The following THEMIS variants were observed in gnomAD, a reference collection of about 807,000 sequenced individuals.
THEMIS encodes the protein protein THEMIS.
THEMIS carries 37 observed loss-of-function variants against 52.6 expected under a neutral mutation model. The ratio of observed to expected loss-of-function variants is 0.70; its 90% CI spans 0.54 to 0.93. The LOEUF (loss-of-function observed/expected upper bound fraction) is 0.93. Ranked by LOEUF, THEMIS falls within the 40% of genes least tolerant of loss-of-function variation. THEMIS has a pLI of 0.00. For missense variants in THEMIS, 808 were observed against 763.1 expected, an observed-to-expected ratio of 1.06 and a Z score of -0.69; for synonymous variants, 292 against 272.7, an observed-to-expected ratio of 1.07 and a Z score of -0.70.
At chr6:127,803,566 G>A (rs765710601) in intron 4 of THEMIS, among the ~76,000 whole-genome samples, 39 of 151,996 alleles carry the variant, frequency 2.6e-4, no homozygotes, top group Non-Finnish European at 5.6e-4. Flanking sequence ...ACTCAATATG[G>A]TATTCAAATT....
intron 4 of THEMIS, among the ~76,000 whole-genome samples, chr6:127,747,651 A>C (rs1240008197): frequency 6.6e-6 from 1 of 151,776 alleles, no homozygotes; most frequent in Non-Finnish European, 1.5e-5. Flanking sequence ...CATGATAATC[A>C]TTTTTGCATA....
chr6:127,743,478 G>C (rs1033736460), intron 4 of THEMIS, among the ~76,000 whole-genome samples: 2 of 152,110 alleles, frequency 1.3e-5, no homozygotes, highest in Non-Finnish European at 2.9e-5. Context: ...TCTGGAAAAA[G>C]AGTAAGACAG....
chr6:127,818,192 C>A (rs528704464), intron 3 of THEMIS, among the ~76,000 whole-genome samples: 1 of 152,260 alleles, frequency 6.6e-6, no homozygotes, highest in Non-Finnish European at 1.5e-5. Context: ...CTCCACTAGC[C>A]ATTCTATCTC....
In THEMIS at chr6:127,738,566, C is replaced by T. The variant is rs1220448188; in HGVS notation, c.1759-18743G>A. On this transcript the variant is annotated intron_variant, in intron 4 of 5. Transcript: ENST00000368248. ...GTAAATTCCAGACTACTACCTACGA[C>T]CTTGACGATTATTCTGCAACTCCAT... is the stretch of plus-strand genomic sequence containing the variant. Among the ~76,000 whole-genome samples the T allele has an allele frequency of 3.3e-5, 5 of 152,280 alleles. No homozygotes were observed. In the East Asian group the frequency reaches 7.7e-4, roughly 23 times the overall value.
At chr6:127,718,500 A>G (rs1774249338) in intron 5 of THEMIS, among the ~76,000 whole-genome samples, 1 of 151,942 alleles carries the variant, frequency 6.6e-6, no homozygotes, top group South Asian at 2.1e-4. Context: ...ATTCACATAC[A>G]AGAGAAGATT....
rs146141944 is a variant in THEMIS, at chr6:127,885,971, T to C, written c.91+14871A>G. Among the ~76,000 whole-genome samples, 114 of 152,228 alleles carry C rather than the reference T, an allele frequency of 7.5e-4. 1 individual carries two copies. The highest frequency in any genetic ancestry group is 2.5e-3 in the African/African-American group (106 of 41,572). On this transcript the variant is annotated intron_variant, in intron 1 of 5. Transcript: ENST00000368248. Reference sequence around the variant, plus strand: ...TACTTTGGTATCTACAGTTTCCCCATTGGACATTGCAATGTCCAAAAGAGC... The same window carrying C: ...TACTTTGGTATCTACAGTTTCCCCACTGGACATTGCAATGTCCAAAAGAGC...
intron 1 of THEMIS, among the ~76,000 whole-genome samples, chr6:127,866,148 TC>T (rs1779965273): frequency 6.6e-6 from 1 of 152,106 alleles, no homozygotes; most frequent in Non-Finnish European, 1.5e-5. Context: ...CTTCCTTATA[TC>T]TTTTTTAGCT....
intron 4 of THEMIS, among the ~76,000 whole-genome samples, chr6:127,722,688 G>A (rs549289635): frequency 6.6e-6 from 1 of 151,996 alleles, no homozygotes; most frequent in South Asian, 2.1e-4. Context: ...CCCCTTCTCT[G>A]AGTGTTGTCC....
chr6:127,902,049 G>C (rs1030279326), upstream of THEMIS, among the ~76,000 whole-genome samples: 2 of 152,010 alleles, frequency 1.3e-5, no homozygotes, highest in Non-Finnish European at 2.9e-5. Context: ...TTGAGGCTGG[G>C]TACGGTGGCT....
At chr6:127,847,170 C>A (rs1779243034) in intron 2 of THEMIS, among the ~76,000 whole-genome samples, 1 of 151,882 alleles carries the variant, frequency 6.6e-6, no homozygotes, top group South Asian at 2.1e-4. Context: ...AACCCACAGC[C>A]AACATCATAC....
intron 1 of THEMIS, among the ~76,000 whole-genome samples, chr6:127,878,710 A>G (rs1243242356): frequency 6.6e-6 from 1 of 152,224 alleles, no homozygotes; most frequent in East Asian, 1.9e-4. Flanking sequence ...AGATGAGATT[A>G]ATACTTCTCA....
At chr6:127,795,683 G>A (rs1465475138) in intron 4 of THEMIS, among the ~76,000 whole-genome samples, 2 of 152,052 alleles carry the variant, frequency 1.3e-5, no homozygotes, top group Non-Finnish European at 2.9e-5. Context: ...TGAAAGTACA[G>A]GAAGCTGAGA....
At chr6:127,757,879 C>CGAT (rs574240462) in intron 4 of THEMIS, among the ~76,000 whole-genome samples, 185 of 151,742 alleles carry the variant, frequency 1.2e-3, no homozygotes, top group Admixed American at 2.8e-3. Context: ...TGGTAGAGAG[C>CGAT]GATCAGGTAA....
At chr6:127,837,964 T>C (rs1191420263) in intron 2 of THEMIS, among the ~76,000 whole-genome samples, 1 of 152,102 alleles carries the variant, frequency 6.6e-6, no homozygotes, top group East Asian at 1.9e-4. Context: ...TTGATTCTAT[T>C]ATTTTCCTAT....
the THEMIS span, among the ~76,000 whole-genome samples, chr6:127,699,151 C>G: frequency 2.2e-4 from 33 of 151,844 alleles, 2 homozygotes; most frequent in East Asian, 4.6e-3. Flanking sequence ...TCTCCCTCCC[C>G]AAGTCTTTGG....
chr6:127,885,219 C>T (rs1429414216), intron 1 of THEMIS, among the ~76,000 whole-genome samples: 1 of 152,116 alleles, frequency 6.6e-6, no homozygotes, highest in East Asian at 1.9e-4. Context: ...TGATTTTCTA[C>T]TATTCCCTGA....
intron 1 of THEMIS, among the ~76,000 whole-genome samples, chr6:127,876,555 A>G (rs774254637): frequency 2.6e-5 from 4 of 152,214 alleles, no homozygotes; most frequent in Non-Finnish European, 4.4e-5. Flanking sequence ...ATTCTCAACC[A>G]GATTCTCCAT....
chr6:127,875,083 T>C (rs1412621961), intron 1 of THEMIS, among the ~76,000 whole-genome samples: 1 of 152,258 alleles, frequency 6.6e-6, no homozygotes, highest in Non-Finnish European at 1.5e-5. Context: ...ATGATAAATG[T>C]AGTGTGTACT....
chr6:127,730,278 A>AAAGAAAAGAAAAGAAAAG (rs1491535643), intron 4 of THEMIS, among the ~76,000 whole-genome samples: 11 of 64,496 alleles, frequency 1.7e-4, no homozygotes, highest in Non-Finnish European at 3.3e-4. Flanking sequence ...TATAGGAAAT[A>AAAGAAAAGAAAAGAAAAG]AAGAAAAGAA....
Sources: allele counts gnomAD v4.1 joint callset (sites outside exome capture counted in the v4.1 genomes callset), GRCh38; gene constraint gnomAD v4.1.1; transcripts MANE v1.5; gene names NCBI Gene and HGNC (gene_info 2026-07-23, HGNC 2026-07-21).